The following CRACD variants were observed in gnomAD, a reference collection of about 807,000 sequenced individuals.
CRACD encodes the protein capping protein inhibiting regulator of actin dynamics.
In CRACD, 56 loss-of-function variants were observed where a neutral mutation model predicts 106.8. That is an observed-to-expected ratio of 0.52 (90% CI 0.42 to 0.66). The LOEUF (loss-of-function observed/expected upper bound fraction) is 0.66. CRACD is among the 30% of genes least tolerant of loss of function. The pLI is 0.00. For synonymous variants in CRACD, 754 were observed against 670.8 expected (o/e 1.12, Z -1.92); for missense variants, 1,730 against 1,623.2 (o/e 1.07, Z -1.13).
At chr4:56,280,702 C>G (rs545584183) in intron 3 of CRACD, among the ~76,000 whole-genome samples, 10 of 152,348 alleles carry the variant, frequency 6.6e-5, no homozygotes, top group Middle Eastern at 6.8e-3. Context: ...CAATATTCAT[C>G]TAATTTGGCC....
At position 56,328,079 on chromosome 4, in the gene CRACD, G is replaced by A. The variant is rs1311820275; in HGVS notation, c.*275G>A. On this transcript the variant is annotated 3_prime_UTR_variant, in exon 11 of 11. Coordinates refer to ENST00000682029, the MANE Select transcript of CRACD (RefSeq NM_001393381.1). ...AGCAAAATCTCTAAGCTAAGAACTC[G>A]TGAGAGCCTGCCATGCCCATTTCAT... The A allele has an allele frequency of 1.1e-5, 4 of 380,272 alleles. No individual in the cohort carries two copies. Among genetic ancestry groups the A allele is most frequent in the Non-Finnish European group, 2.0e-5 (4 of 204,624 alleles). The allele number at this position is 380,272 out of a possible 1,614,324, so 23.6% of individuals were successfully genotyped here.
intron 2 of CRACD, among the ~76,000 whole-genome samples, chr4:56,203,551 A>C (rs1471902541): frequency 1.3e-5 from 2 of 152,132 alleles, no homozygotes; most frequent in African/African-American, 4.8e-5. Context: ...TCCACTGTCC[A>C]GAGTTGCATA....
intron 3 of CRACD, among the ~76,000 whole-genome samples, chr4:56,282,373 T>C (rs930168183): frequency 2.0e-5 from 3 of 152,166 alleles, no homozygotes; most frequent in Non-Finnish European, 2.9e-5. Context: ...TTCTCCTTTT[T>C]TGGATGGGAA....
chr4:56,314,418 A>C lies in CRACD; in HGVS notation c.916A>C (p.Arg306=), dbSNP rs764024571. The change falls in exon 8 of 11, where the codon AGG becomes CGG. Residue 306 remains arginine, a synonymous_variant. Coordinates refer to ENST00000682029, the MANE Select transcript of CRACD (RefSeq NM_001393381.1). The surrounding 1 kb of genome is among the most constrained non-coding windows in gnomAD (Gnocchi z 4.4). ...EAPGWEDAER[R]EREERERLEA... The stretch of plus-strand genomic sequence containing the variant: ...GCCAGGTTGGGAGGACGCGGAGCGG[A>C]GGGAGCGTGAGGAGCGCGAGCGCCT... 80 of 1,543,720 alleles carry C rather than the reference A, an allele frequency of 5.2e-5. No individual in the cohort carries two copies. Among genetic ancestry groups the C allele is most frequent in the Non-Finnish European group, 6.9e-5 (79 of 1,144,012 alleles).
At chr4:56,171,328 A>G (rs1332521804) in intron 1 of CRACD, among the ~76,000 whole-genome samples, 1 of 152,198 alleles carries the variant, frequency 6.6e-6, no homozygotes, top group Non-Finnish European at 1.5e-5. Context: ...TACTGTGAAT[A>G]GTTATCAGTG....
chr4:56,113,804 A>C (rs1398002344), intron 1 of CRACD, among the ~76,000 whole-genome samples: 1 of 152,168 alleles, frequency 6.6e-6, no homozygotes, highest in African/African-American at 2.4e-5. Context: ...AATTAAATGA[A>C]TACATGATTA....
intron 1 of CRACD, among the ~76,000 whole-genome samples, chr4:56,111,998 C>G (rs892335553): frequency 6.6e-6 from 1 of 152,150 alleles, no homozygotes; most frequent in East Asian, 1.9e-4. Flanking sequence ...TTTCAAAAAC[C>G]TTTTTTCTTT....
intron 2 of CRACD, among the ~76,000 whole-genome samples, chr4:56,254,997 C>T (rs1167251524): frequency 6.6e-6 from 1 of 151,036 alleles, no homozygotes; most frequent in Non-Finnish European, 1.5e-5. Flanking sequence ...ACCTATAGTC[C>T]CAGCTACTCG....
intron 2 of CRACD, among the ~76,000 whole-genome samples, chr4:56,226,407 G>C (rs549842533): frequency 6.6e-6 from 1 of 152,220 alleles, no homozygotes; most frequent in South Asian, 2.1e-4. Flanking sequence ...GCAGATACAA[G>C]AACTATGAAG....
intron 4 of CRACD, among the ~76,000 whole-genome samples, chr4:56,301,439 G>A (rs1353483614): frequency 6.6e-6 from 1 of 152,112 alleles, no homozygotes; most frequent in Non-Finnish European, 1.5e-5. Flanking sequence ...TTGTCTTTGT[G>A]TATGTGTGTA....
At chr4:56,145,202 T>C (rs1411898481) in intron 1 of CRACD, among the ~76,000 whole-genome samples, 1 of 152,220 alleles carries the variant, frequency 6.6e-6, no homozygotes, top group Admixed American at 6.5e-5. Context: ...GTGCTCCATA[T>C]TCATATTTTC....
At chr4:56,240,986 G>T (rs1387570524) in intron 2 of CRACD, among the ~76,000 whole-genome samples, 2 of 152,214 alleles carry the variant, frequency 1.3e-5, no homozygotes, top group African/African-American at 4.8e-5. Flanking sequence ...GGATGGGCCT[G>T]CATTACAGTG....
intron 2 of CRACD, among the ~76,000 whole-genome samples, chr4:56,182,863 ATGTGTGTGTGTG>A (rs34291347): frequency 1.7e-4 from 25 of 144,822 alleles, no homozygotes; most frequent in Middle Eastern, 3.6e-3. Context: ...AAAAAAAGAT[ATGTGTGTGTGTG>A]TGTGTGTGTG....
chr4:56,214,681 C>CTCTCTCTCTCTATATATATATATATA, intron 2 of CRACD, among the ~76,000 whole-genome samples: 13 of 80,994 alleles, frequency 1.6e-4, no homozygotes, highest in African/African-American at 4.7e-4. Flanking sequence ...CTCTCTCTCT[C>CTCTCTCTCTCTATATATATATATATA]TATATATATA....
chr4:56,234,502 C>A (rs1458293765), intron 2 of CRACD, among the ~76,000 whole-genome samples: 1 of 152,074 alleles, frequency 6.6e-6, no homozygotes, highest in Non-Finnish European at 1.5e-5. Flanking sequence ...TTAGGTTGTT[C>A]CCACTTATTA....
chr4:56,210,113 A>T (rs780766511), intron 2 of CRACD, among the ~76,000 whole-genome samples: 1 of 152,194 alleles, frequency 6.6e-6, no homozygotes, highest in Non-Finnish European at 1.5e-5. Context: ...ATGGCTACCT[A>T]TGCAGAACTC....
At chr4:56,092,605 T>C (rs1733457577) in intron 1 of CRACD, among the ~76,000 whole-genome samples, 1 of 152,124 alleles carries the variant, frequency 6.6e-6, no homozygotes, top group Non-Finnish European at 1.5e-5. Context: ...TATTTTTTAA[T>C]TTTTTAATTT....
chr4:56,228,443 T>C (rs1381885009), intron 2 of CRACD, among the ~76,000 whole-genome samples: 1 of 152,080 alleles, frequency 6.6e-6, no homozygotes, highest in Admixed American at 6.6e-5. Context: ...CAGACACATG[T>C]GCTGAGCCTT....
At chr4:56,139,335 T>TCTC (rs1560461949) in intron 1 of CRACD, among the ~76,000 whole-genome samples, 2 of 149,476 alleles carry the variant, frequency 1.3e-5, no homozygotes, top group Non-Finnish European at 3.0e-5. Context: ...TCCTCTCTCT[T>TCTC]TCTCTCTCTC....
Sources: gnomAD v4.1 joint callset for allele counts (sites outside exome capture counted in the v4.1 genomes callset) on GRCh38, gnomAD v4.1.1 for gene constraint, Gnocchi (gnomAD v3.1) non-coding constraint, MANE v1.5 for transcripts, NCBI Gene and HGNC (gene_info 2026-07-23, HGNC 2026-07-21) for gene names.